PRR16: variants seen among roughly 807,000 people sequenced by gnomAD.
The protein encoded by PRR16 is proline rich 16.
A neutral mutation model predicts 18.2 loss-of-function variants in PRR16; 6 were observed. The ratio of observed to expected loss-of-function variants is 0.33; its 90% CI spans 0.18 to 0.65. PRR16 has a LOEUF of 0.65. Among genes scored for constraint, PRR16 ranks in the 30% least tolerant of loss-of-function variants. PRR16 has a pLI of 0.74. For missense variants in PRR16, 412 were observed against 376.6 expected (o/e 1.09, Z -0.78); for synonymous variants, 151 against 147.8 (o/e 1.02, Z -0.16).
intron 1 of PRR16, among the ~76,000 whole-genome samples, chr5:120,521,818 C>T (rs948810130): frequency 3.3e-5 from 5 of 152,130 alleles, no homozygotes; most frequent in Non-Finnish European, 7.3e-5. Flanking sequence ...CTATCCCTCC[C>T]CCTTTCCCTT....
intron 1 of PRR16, among the ~76,000 whole-genome samples, chr5:120,623,548 G>A (rs928833518): frequency 1.1e-4 from 16 of 152,174 alleles, no homozygotes; most frequent in Non-Finnish European, 1.3e-4. Context: ...ACCTTATGCC[G>A]TTGTTTTGAG....
chr5:120,555,852 T>G (rs1580720460), intron 1 of PRR16, among the ~76,000 whole-genome samples: 1 of 147,764 alleles, frequency 6.8e-6, no homozygotes, highest in African/African-American at 2.5e-5. Flanking sequence ...AAATTTCCCA[T>G]AAGGCACAGT....
chr5:120,594,144 C>A (rs912194738), intron 1 of PRR16, among the ~76,000 whole-genome samples: 1 of 152,032 alleles, frequency 6.6e-6, no homozygotes, highest in African/African-American at 2.4e-5. Flanking sequence ...ATTGGAAGTC[C>A]TGGCAAGAGC....
chr5:120,480,466 A>G (rs1749575267), intron 1 of PRR16, among the ~76,000 whole-genome samples: 1 of 152,206 alleles, frequency 6.6e-6, no homozygotes, highest in African/African-American at 2.4e-5. Flanking sequence ...AAACCATCCA[A>G]GACAATTTTT....
chr5:120,730,380 G>A, the PRR16 span, among the ~76,000 whole-genome samples: 1 of 152,148 alleles, frequency 6.6e-6, no homozygotes. Context: ...TGCACAACTT[G>A]TGGAATATCC....
intron 1 of PRR16, among the ~76,000 whole-genome samples, chr5:120,581,549 G>A (rs1430239687): frequency 6.6e-6 from 1 of 151,776 alleles, no homozygotes; most frequent in Non-Finnish European, 1.5e-5. Flanking sequence ...GTTATTTCTT[G>A]TCTTCTGCTA....
chr5:120,618,042 A>G (rs1296247381), intron 1 of PRR16, among the ~76,000 whole-genome samples: 1 of 152,076 alleles, frequency 6.6e-6, no homozygotes, highest in Non-Finnish European at 1.5e-5. Context: ...TCATTTCAAC[A>G]CCTTAATCTA....
At chr5:120,787,728 G>C in the PRR16 span, among the ~76,000 whole-genome samples, 34 of 152,110 alleles carry the variant, frequency 2.2e-4, 1 homozygote, top group South Asian at 7.1e-3. Context: ...GCTTTCAGCC[G>C]GTGTCTTCGC....
At position 120,637,349 on chromosome 5, in the gene PRR16, A is replaced by C. The variant is rs138797552; in HGVS notation, c.160-48605A>C. Among the ~76,000 whole-genome samples the C allele has an allele frequency of 2.7e-3, 383 of 141,040 alleles. 2 individuals are homozygous for C. The highest frequency in any genetic ancestry group is 9.5e-3 in the African/African-American group (366 of 38,696). The allele number at this position is 141,040 out of a possible 152,430, so 92.5% of individuals were successfully genotyped here. On this transcript the variant is annotated intron_variant, in intron 1 of 1. Transcript: ENST00000407149. The stretch of plus-strand genomic sequence containing the variant: ...AAAAAAAAAAAAAAAAAAAACTTGC[A>C]CACACATGTTTATAGCAGCAAAATT...
chr5:120,724,995 C>A, the PRR16 span, among the ~76,000 whole-genome samples: 1 of 151,840 alleles, frequency 6.6e-6, no homozygotes, highest in East Asian at 1.9e-4. Context: ...GACAGGTGAA[C>A]ATGTCATCCT....
At chr5:120,521,620 C>T (rs1235846860) in intron 1 of PRR16, among the ~76,000 whole-genome samples, 1 of 152,094 alleles carries the variant, frequency 6.6e-6, no homozygotes, top group Non-Finnish European at 1.5e-5. Context: ...ATATGTATCA[C>T]TTTAAACATT....
At chr5:120,608,591 T>C (rs1375662782) in intron 1 of PRR16, among the ~76,000 whole-genome samples, 2 of 152,224 alleles carry the variant, frequency 1.3e-5, no homozygotes, top group Non-Finnish European at 2.9e-5. Context: ...GAGTTCTTAT[T>C]TGTGACTTAA....
intron 1 of PRR16, among the ~76,000 whole-genome samples, chr5:120,678,724 A>T (rs192005220): frequency 6.6e-6 from 1 of 152,302 alleles, no homozygotes; most frequent in East Asian, 1.9e-4. Context: ...AGATCATATC[A>T]TCTGCAAATA....
chr5:120,686,622 C>T lies in PRR16; in HGVS notation c.828C>T (p.Pro276=), dbSNP rs1192606437. 1 of 1,609,516 alleles carries T rather than the reference C, an allele frequency of 6.2e-7. No homozygotes were observed. The highest frequency in any genetic ancestry group is 1.3e-5 in the African/African-American group (1 of 74,940). ...GMGISHSNSF[P]PIRPATVPPP... ...GAATAAGCCACAGTAACAGCTTCCC[C>T]CCTATCAGACCTGCAACTGTGCCTC... Residue 276 remains proline, a synonymous_variant, in exon 2 of 2, where the codon CCC becomes CCT. Transcript: ENST00000407149.
chr5:120,536,865 A>T (rs1050601423), intron 1 of PRR16, among the ~76,000 whole-genome samples: 4 of 152,250 alleles, frequency 2.6e-5, no homozygotes, highest in African/African-American at 9.6e-5. Context: ...TGCAACCATA[A>T]AAAAGAACAA....
At chr5:120,692,783 T>C in the PRR16 span, among the ~76,000 whole-genome samples, 5 of 152,338 alleles carry the variant, frequency 3.3e-5, no homozygotes, top group East Asian at 9.6e-4. Context: ...GAGTCTACTA[T>C]AACCCTGCTA....
intron 1 of PRR16, among the ~76,000 whole-genome samples, chr5:120,638,845 C>T (rs1164386491): frequency 6.6e-6 from 1 of 152,076 alleles, no homozygotes; most frequent in East Asian, 1.9e-4. Flanking sequence ...AATTTTCTCA[C>T]TCTTCAATTT....
intron 1 of PRR16, among the ~76,000 whole-genome samples, chr5:120,555,424 G>A (rs1752377097): frequency 6.6e-6 from 1 of 151,878 alleles, no homozygotes; most frequent in African/African-American, 2.4e-5. Flanking sequence ...CCAAGTCAAG[G>A]TGCTGGCCAG....
chr5:120,604,746 A>G (rs1754099402), intron 1 of PRR16, among the ~76,000 whole-genome samples: 1 of 152,182 alleles, frequency 6.6e-6, no homozygotes, highest in Admixed American at 6.5e-5. Context: ...CAATTACCTT[A>G]GCATTTACTT....
Sources: gnomAD v4.1 joint callset for allele counts (sites outside exome capture counted in the v4.1 genomes callset) on GRCh38, gnomAD v4.1.1 for gene constraint, MANE v1.5 for transcripts, NCBI Gene and HGNC (gene_info 2026-07-23, HGNC 2026-07-21) for gene names.